Variants in DSE observed in about 807,000 individuals in gnomAD.
DSE encodes dermatan sulfate epimerase, also known as dermatan-sulfate epimerase.
Under a neutral mutation model 84.4 loss-of-function variants are expected in DSE, and 36 were observed. The ratio of observed to expected loss-of-function variants is 0.43; its 90% CI spans 0.33 to 0.56. DSE has a LOEUF of 0.56. Among genes scored for constraint, DSE ranks in the 20% least tolerant of loss-of-function variants. The probability of loss-of-function intolerance (pLI) is 0.06; values close to 1 mark genes in which losing one functional copy is unlikely to be tolerated. For synonymous variants in DSE, 410 were observed against 430.1 expected (o/e 0.95, Z 0.58); for missense variants, 862 against 1,169.6 (o/e 0.74, Z 3.84).
chr6:116,319,599 C>G (rs1352855774), intron 2 of DSE, among the ~76,000 whole-genome samples: 2 of 152,174 alleles, frequency 1.3e-5, no homozygotes, highest in African/African-American at 4.8e-5. Flanking sequence ...TAATGGATGT[C>G]ATAAAACTAA....
intron 2 of DSE, among the ~76,000 whole-genome samples, chr6:116,349,049 A>G (rs941445683): frequency 7.9e-5 from 12 of 152,176 alleles, no homozygotes; most frequent in African/African-American, 2.9e-4. Context: ...GCAAACCAAC[A>G]TGGCACATGT....
At chr6:116,386,172 A>T (rs6900245) in intron 1 of DSE, among the ~76,000 whole-genome samples, 2 of 152,154 alleles carry the variant, frequency 1.3e-5, no homozygotes, top group Non-Finnish European at 2.9e-5. Flanking sequence ...GGTGTAAGTC[A>T]GAGAAAAATA....
At chr6:116,400,140 A>G (rs1255989115) in intron 2 of DSE, 3 of 153,086 alleles carry the variant, frequency 2.0e-5, no homozygotes, top group Admixed American at 6.5e-5. Context: ...ATCCCCTCCA[A>G]TAACCAGCAG....
At chr6:116,328,659 C>G (rs1244357322) in intron 2 of DSE, among the ~76,000 whole-genome samples, 1 of 152,140 alleles carries the variant, frequency 6.6e-6, no homozygotes, top group Non-Finnish European at 1.5e-5. Context: ...AGTAAAGGAG[C>G]AAGAAGGAAT....
intron 2 of DSE, among the ~76,000 whole-genome samples, chr6:116,351,026 TA>T (rs1309819227): frequency 2.0e-5 from 3 of 152,220 alleles, no homozygotes; most frequent in African/African-American, 4.8e-5. Flanking sequence ...GTTCATTTGT[TA>T]AAAAGCTCCC....
chr6:116,412,613 TAACA>T (rs946287964), intron 2 of DSE: 6 of 152,250 alleles, frequency 3.9e-5, no homozygotes, highest in African/African-American at 1.2e-4. Flanking sequence ...TGACCTACAG[TAACA>T]AACAACCCAG....
intron 4 of DSE, 137 bp from the exon 5 acceptor site, chr6:116,433,206 T>C (rs1783950900): frequency 2.5e-6 from 2 of 805,832 alleles, no homozygotes; most frequent in Non-Finnish European, 1.9e-6. Flanking sequence ...AATGTGAGGA[T>C]TGTGATTTTT....
At chr6:116,357,108 C>T (rs1056488807) in intron 2 of DSE, among the ~76,000 whole-genome samples, 8 of 152,142 alleles carry the variant, frequency 5.3e-5, no homozygotes, top group Non-Finnish European at 1.2e-4. Context: ...TTCTCCCACC[C>T]GCATGTTTAC....
intron 2 of DSE, among the ~76,000 whole-genome samples, chr6:116,345,278 T>A (rs1777881463): frequency 6.6e-6 from 1 of 152,152 alleles, no homozygotes; most frequent in Admixed American, 6.5e-5. Flanking sequence ...CTAATAGACA[T>A]CTACAGAGCT....
intron 2 of DSE, among the ~76,000 whole-genome samples, chr6:116,305,407 C>CA (rs1406448622): frequency 3.7e-4 from 56 of 151,932 alleles, no homozygotes; most frequent in African/African-American, 1.3e-3. Context: ...TTTCCTGAAA[C>CA]AAAAAATAAA....
chr6:116,322,325 A>T (rs1351487703), intron 2 of DSE, among the ~76,000 whole-genome samples: 2 of 151,936 alleles, frequency 1.3e-5, no homozygotes, highest in African/African-American at 4.8e-5. Flanking sequence ...TTTAGTTTTT[A>T]CTTTTTCTTT....
chr6:116,429,489 A>G (rs1420134579), intron 3 of DSE, among the ~76,000 whole-genome samples: 1 of 152,222 alleles, frequency 6.6e-6, no homozygotes, highest in Non-Finnish European at 1.5e-5. Context: ...AAAACCTTAA[A>G]TCTAAAGACC....
chr6:116,420,558 G>A (rs971220796), intron 2 of DSE, among the ~76,000 whole-genome samples: 2 of 152,174 alleles, frequency 1.3e-5, no homozygotes, highest in Non-Finnish European at 2.9e-5. Context: ...GACCATGCGG[G>A]CACCCTGATG....
chr6:116,408,188 C>A (rs2352142), intron 2 of DSE, among the ~76,000 whole-genome samples: 8,146 of 152,262 alleles, frequency 0.053, 331 homozygotes, highest in Admixed American at 0.13. Flanking sequence ...TGTACATCTT[C>A]TAGATTCGGC....
chr6:116,261,700 G>C (rs1477459814), intron 2 of DSE, among the ~76,000 whole-genome samples: 1 of 152,172 alleles, frequency 6.6e-6, no homozygotes, highest in Admixed American at 6.5e-5. Context: ...AATGTGTCCA[G>C]CTTTTGCCTA....
At chr6:116,293,269 T>C (rs1044205093) in intron 2 of DSE, among the ~76,000 whole-genome samples, 2 of 131,794 alleles carry the variant, frequency 1.5e-5, no homozygotes, top group Non-Finnish European at 3.2e-5. Context: ...TTTTTCCTTT[T>C]CTTTTTTTCT....
At chr6:116,323,195 AGC>A (rs1478396669) in intron 2 of DSE, among the ~76,000 whole-genome samples, 4 of 152,236 alleles carry the variant, frequency 2.6e-5, no homozygotes, top group African/African-American at 9.6e-5. Context: ...ATCAGTTGTA[AGC>A]CAGCTTTTAA....
chr6:116,281,279 T>A, intron 2 of DSE, among the ~76,000 whole-genome samples: 1 of 152,074 alleles, frequency 6.6e-6, no homozygotes, highest in South Asian at 2.1e-4. Context: ...GGTAAGGAAA[T>A]AGATTCAATC....
rs377679883 is a variant in DSE at position 116,278,736 on chromosome 6, G to A, written c.-54+19769G>A. The A allele has an allele frequency of 3.5e-5, 56 of 1,614,158 alleles. 1 individual carries two copies. In the African/African-American group the frequency reaches 4.3e-4, roughly 12 times the overall value. On this transcript the variant is annotated intron_variant, in intron 2 of 3. Transcript: ENST00000430252. The stretch of plus-strand genomic sequence containing the variant: ...TGAGGTCTTGGTTTCTGCGAATGAA[G>A]GACTGGGGTTCATGCCCCCTGCGCC...
Sources: allele counts gnomAD v4.1 joint callset (sites outside exome capture counted in the v4.1 genomes callset), GRCh38; gene constraint gnomAD v4.1.1; transcripts MANE v1.5; gene names NCBI Gene and HGNC (gene_info 2026-07-23, HGNC 2026-07-21).